GALNTL6: variants seen among roughly 807,000 people sequenced by gnomAD.
The protein encoded by GALNTL6 is polypeptide N-acetylgalactosaminyltransferase-like 6.
In GALNTL6, 46 loss-of-function variants were observed where a neutral mutation model predicts 73.7. That is an observed-to-expected ratio of 0.62 (90% confidence interval 0.49 to 0.80). GALNTL6 has a LOEUF of 0.80. Among genes scored for constraint, GALNTL6 ranks in the 30% least tolerant of loss-of-function variants. GALNTL6 has a pLI of 0.00. For synonymous variants in GALNTL6, 259 were observed against 263.7 expected (o/e 0.98, Z 0.17); for missense variants, 604 against 755.0 (o/e 0.80, Z 2.34).
intron 5 of GALNTL6, among the ~76,000 whole-genome samples, chr4:172,750,814 T>C (rs903935529): frequency 6.6e-6 from 1 of 152,194 alleles, no homozygotes; most frequent in Non-Finnish European, 1.5e-5. Flanking sequence ...TTTCATTATG[T>C]TCCAAAATTC....
intron 5 of GALNTL6, among the ~76,000 whole-genome samples, chr4:172,430,817 C>A (rs1731421477): frequency 6.6e-6 from 1 of 151,788 alleles, no homozygotes; most frequent in Admixed American, 6.6e-5. Context: ...CCACCACCAC[C>A]ACAACAACAG....
At chr4:172,895,362 CTT>C (rs1174548480) in intron 8 of GALNTL6, among the ~76,000 whole-genome samples, 1 of 148,536 alleles carries the variant, frequency 6.7e-6, no homozygotes, top group Non-Finnish European at 1.5e-5. Flanking sequence ...ATATTATACA[CTT>C]TTCATTTTTA....
intron 2 of GALNTL6, among the ~76,000 whole-genome samples, chr4:171,828,230 A>G (rs958723816): frequency 6.6e-6 from 1 of 152,216 alleles, no homozygotes; most frequent in Non-Finnish European, 1.5e-5. Context: ...GGGTTCAAGT[A>G]TCACGAGCAT....
chr4:172,548,629 AT>A (rs1395756535), intron 5 of GALNTL6, among the ~76,000 whole-genome samples: 1 of 152,218 alleles, frequency 6.6e-6, no homozygotes, highest in African/African-American at 2.4e-5. Flanking sequence ...ATCAAATCTA[AT>A]GATTGCTTTC....
At chr4:172,796,867 G>A (rs1187149662) in intron 5 of GALNTL6, among the ~76,000 whole-genome samples, 1 of 152,146 alleles carries the variant, frequency 6.6e-6, no homozygotes, top group East Asian at 1.9e-4. Flanking sequence ...TTGAAATTTT[G>A]TCATAGCATT....
chr4:172,302,614 A>G (rs1739977801), intron 3 of GALNTL6, among the ~76,000 whole-genome samples: 2 of 152,216 alleles, frequency 1.3e-5, no homozygotes, highest in African/African-American at 4.8e-5. Flanking sequence ...TGGCTTTGAT[A>G]TCAGATCCAT....
chr4:172,839,029 T>C (rs1743063447), intron 7 of GALNTL6, among the ~76,000 whole-genome samples: 1 of 152,196 alleles, frequency 6.6e-6, no homozygotes, highest in Admixed American at 6.5e-5. Flanking sequence ...GCTTTTTAAT[T>C]TAGAGGTAGT....
chr4:172,363,120 C>T (rs945946176), intron 5 of GALNTL6, among the ~76,000 whole-genome samples: 1 of 152,150 alleles, frequency 6.6e-6, no homozygotes, highest in Non-Finnish European at 1.5e-5. Flanking sequence ...GTTCATCTTT[C>T]TCTATAGTCC....
At chr4:172,722,730 A>G (rs1016663648) in intron 5 of GALNTL6, among the ~76,000 whole-genome samples, 6 of 152,218 alleles carry the variant, frequency 3.9e-5, no homozygotes, top group Non-Finnish European at 8.8e-5. Context: ...AGGAAACAGT[A>G]TGCCTTGAAC....
chr4:172,498,663 G>A (rs1389842586), intron 5 of GALNTL6, among the ~76,000 whole-genome samples: 1 of 152,100 alleles, frequency 6.6e-6, no homozygotes, highest in African/African-American at 2.4e-5. Flanking sequence ...TATAAAATAA[G>A]TGCAGATGAG....
At chr4:172,963,173 C>T (rs1296379563) in intron 10 of GALNTL6, among the ~76,000 whole-genome samples, 1 of 152,146 alleles carries the variant, frequency 6.6e-6, no homozygotes, top group African/African-American at 2.4e-5. Context: ...GACCTCAGCA[C>T]CTTTGCATTT....
chr4:172,281,478 TGAGGTCAGGAGTTC>T (rs1739054136), intron 3 of GALNTL6, among the ~76,000 whole-genome samples: 1 of 152,082 alleles, frequency 6.6e-6, no homozygotes, highest in African/African-American at 2.4e-5. Flanking sequence ...TCGGATCACT[TGAGGTCAGGAGTTC>T]AAGACCAGCC....
chr4:173,027,010 C>T (rs376714835), intron 12 of GALNTL6, among the ~76,000 whole-genome samples: 265 of 152,188 alleles, frequency 1.7e-3, no homozygotes, highest in Non-Finnish European at 2.4e-3. Flanking sequence ...TTTTTTGAGA[C>T]GGACTTTCGC....
intron 2 of GALNTL6, among the ~76,000 whole-genome samples, chr4:172,135,576 C>T (rs1733618190): frequency 6.6e-6 from 1 of 152,084 alleles, no homozygotes; most frequent in Non-Finnish European, 1.5e-5. Flanking sequence ...TCCTTCAGGG[C>T]TTCAATTGGC....
intron 5 of GALNTL6, among the ~76,000 whole-genome samples, chr4:172,670,965 T>G (rs1264886929): frequency 6.6e-6 from 1 of 152,198 alleles, no homozygotes; most frequent in African/African-American, 2.4e-5. Context: ...AATTTAGGTG[T>G]GTGGCCTCAT....
At chr4:172,762,549 T>C (rs533843406) in intron 5 of GALNTL6, among the ~76,000 whole-genome samples, 1 of 152,252 alleles carries the variant, frequency 6.6e-6, no homozygotes, top group South Asian at 2.1e-4. Flanking sequence ...TCTCCATGTC[T>C]CTTTCCCCAA....
intron 2 of GALNTL6, among the ~76,000 whole-genome samples, chr4:172,155,974 T>C (rs1734240288): frequency 6.6e-6 from 1 of 152,092 alleles, no homozygotes; most frequent in African/African-American, 2.4e-5. Flanking sequence ...CAAAAGATAA[T>C]TTTTACCTTT....
intron 2 of GALNTL6, among the ~76,000 whole-genome samples, chr4:171,833,452 A>T (rs1735029330): frequency 6.6e-6 from 1 of 151,730 alleles, no homozygotes; most frequent in Admixed American, 6.6e-5. Flanking sequence ...TTATTCTCTC[A>T]TTAACAACCA....
intron 5 of GALNTL6, among the ~76,000 whole-genome samples, chr4:172,432,016 G>A (rs544360401): frequency 7.1e-4 from 108 of 151,814 alleles, no homozygotes; most frequent in African/African-American, 2.5e-3. Context: ...TAAAAGGTAG[G>A]GCTGCCATTT....
Sources: gnomAD v4.1 joint callset for allele counts (sites outside exome capture counted in the v4.1 genomes callset) on GRCh38, gnomAD v4.1.1 for gene constraint, MANE v1.5 for transcripts, NCBI Gene and HGNC (gene_info 2026-07-23, HGNC 2026-07-21) for gene names.